USP10: variants seen among roughly 807,000 people sequenced by gnomAD.
USP10 encodes ubiquitin carboxyl-terminal hydrolase 10.
A neutral mutation model predicts 84.5 loss-of-function variants in USP10; 22 were observed. The observed-to-expected ratio is 0.26, with a 90% CI of 0.19 to 0.37. The LOEUF (loss-of-function observed/expected upper bound fraction) is 0.37. Ranked by LOEUF, USP10 falls within the 10% of genes least tolerant of loss-of-function variation. The pLI, the probability that USP10 is intolerant of heterozygous loss-of-function variation, is 1.00. For missense variants in USP10, 1,019 were observed against 998.9 expected, an observed-to-expected ratio of 1.02 and a Z score of -0.27; for synonymous variants, 454 against 387.6, an observed-to-expected ratio of 1.17 and a Z score of -2.01.
intron 1 of USP10, among the ~76,000 whole-genome samples, chr16:84,711,215 C>T (rs1392851415): frequency 6.6e-6 from 1 of 152,144 alleles, no homozygotes; most frequent in East Asian, 1.9e-4. Context: ...TGTGCCAGGG[C>T]CCGTGTTGGG....
At chr16:84,759,178 A>T in intron 5 of USP10, 185 bp from the exon 6 acceptor site, 1 of 625,880 alleles carries the variant, frequency 1.6e-6, no homozygotes, top group Admixed American at 2.7e-5. Flanking sequence ...AGATCCTTAT[A>T]TGGACATCAC....
At chr16:84,708,896 T>C (rs1905899296) in intron 1 of USP10, 1 of 152,160 alleles carries the variant, frequency 6.6e-6, no homozygotes, top group Admixed American at 6.6e-5. Context: ...ACGTTAGGAG[T>C]ATAGAGCTGA....
rs1322074670 is a variant in USP10 at position 84,745,102 on chromosome 16, G to A, written c.621G>A (p.Arg207=). 6 of 1,613,586 alleles carry A rather than the reference G, an allele frequency of 3.7e-6. No individual in the cohort carries two copies. Among genetic ancestry groups the A allele is most frequent in the Non-Finnish European group, 5.1e-6 (6 of 1,179,618 alleles). Reference sequence around the variant, plus strand: ...ACATGCCCCCGTCAGTTACGCCCAGGACTTGTAACAGCCCCCAGAACTCCA... The same window carrying A: ...ACATGCCCCCGTCAGTTACGCCCAGAACTTGTAACAGCCCCCAGAACTCCA... ...MGDMPPSVTP[R]TCNSPQNSTD... Residue 207 remains arginine (R), a synonymous_variant, in exon 4 of 14, where the codon AGG becomes AGA. Transcript: ENST00000219473.
Position 84,760,204 on chromosome 16 carries a change from C to A in USP10, c.1483C>A (p.Pro495Thr), listed in dbSNP as rs977889091. The A allele has an allele frequency of 1.9e-6, 3 of 1,610,422 alleles. No homozygotes were observed. The African/African-American group carries it at 4.0e-5, about 22-fold the overall frequency. ...LGDKIVRDIRPGAAFEPTYIY... is the reference protein window; with the variant it reads ...LGDKIVRDIRTGAAFEPTYIY... ...AGATAAAATCGTGAGGGATATTCGC[C>A]CTGGAGCTGCCTTTGAGCCCACATA... The change falls in exon 8 of 14, where the codon CCT (proline) becomes ACT (threonine). Residue 495 changes from proline (P) to threonine (T), a missense_variant. Coordinates refer to ENST00000219473, the MANE Select transcript of USP10 (RefSeq NM_005153.3).
rs1253007620 is a variant in USP10 at position 84,719,745 on chromosome 16, T to TATCC, written c.22-13688_22-13685dup. Reference sequence around the variant, plus strand: ...TTTTCTAATAAAAGATTTCAGACCATATCCAGGAACTTAAATACATAATTA... The same window carrying TATCC: ...TTTTCTAATAAAAGATTTCAGACCATATCCATCCAGGAACTTAAATACATAATTA... On this transcript the variant is annotated intron_variant, in intron 1 of 13. Coordinates refer to ENST00000219473, the MANE Select transcript of USP10 (RefSeq NM_005153.3). Among the ~76,000 whole-genome samples the TATCC allele has an allele frequency of 2.0e-5, 3 of 152,242 alleles. 1 individual carries two copies. The highest frequency in any genetic ancestry group is 7.2e-5 in the African/African-American group (3 of 41,464).
In USP10 at chr16:84,723,540, G is replaced by A. The variant is rs556402810; in HGVS notation, c.22-9895G>A. Among the ~76,000 whole-genome samples, 7 of 152,250 alleles carry A rather than the reference G, an allele frequency of 4.6e-5. No individual in the cohort carries two copies. In the South Asian group the frequency reaches 1.2e-3, roughly 27 times the overall value. ...AGTCACAATGATTGCTATGTAGTTTGGAGAAATTATTCCTTATCCTTAGAT... is the reference window on the plus strand; with the variant it reads ...AGTCACAATGATTGCTATGTAGTTTAGAGAAATTATTCCTTATCCTTAGAT... On this transcript the variant is annotated intron_variant, in intron 1 of 13. Coordinates refer to ENST00000219473, the MANE Select transcript of USP10 (RefSeq NM_005153.3).
chr16:84,716,645 G>T (rs992377018), intron 1 of USP10: 10 of 152,200 alleles, frequency 6.6e-5, no homozygotes, highest in African/African-American at 2.2e-4. Flanking sequence ...GAGCATGGGG[G>T]AAGAGGGAGC....
intron 9 of USP10, among the ~76,000 whole-genome samples, chr16:84,763,770 G>T (rs924906043): frequency 6.6e-6 from 1 of 151,790 alleles, no homozygotes; most frequent in African/African-American, 2.4e-5. Context: ...ATTGGTTGCC[G>T]TGGATCCAGT....
chr16:84,722,910 G>A (rs1409524942), intron 1 of USP10, among the ~76,000 whole-genome samples: 2 of 152,118 alleles, frequency 1.3e-5, no homozygotes, highest in East Asian at 1.9e-4. Context: ...TTGTCCCTAG[G>A]AACATGAGTT....
intron 1 of USP10, among the ~76,000 whole-genome samples, chr16:84,715,778 TACAG>T (rs1202507181): frequency 6.6e-6 from 1 of 152,224 alleles, no homozygotes; most frequent in East Asian, 1.9e-4. Context: ...GCCGTTTAGT[TACAG>T]TTTTGAGGAC....
chr16:84,743,754 A>G (rs1042391246), intron 3 of USP10, among the ~76,000 whole-genome samples: 2 of 152,258 alleles, frequency 1.3e-5, no homozygotes, highest in African/African-American at 2.4e-5. Context: ...AACTATAAAA[A>G]TACGTCTGTC....
At position 84,706,474 on chromosome 16, in the gene USP10, A is replaced by T. The variant is rs1355171048; in HGVS notation, c.21+6363A>T. Among the ~76,000 whole-genome samples the T allele has an allele frequency of 5.4e-5, 8 of 148,498 alleles. No individual in the cohort carries two copies. The South Asian group carries it at 1.7e-3, about 31-fold the overall frequency. On this transcript the variant is annotated intron_variant, in intron 1 of 13. Transcript: ENST00000219473. ...TTACGTGGCTGCAAAGACTATATAT[A>T]TATTTATATGTATTTATTTGTATAT...
intron 1 of USP10, chr16:84,732,463 T>A (rs1909358597): frequency 2.4e-6 from 1 of 409,400 alleles, no homozygotes; most frequent in Non-Finnish European, 4.8e-6. Flanking sequence ...TTTTTTCTTT[T>A]TGAGATGGAG....
At chr16:84,761,731 C>G (rs1352294394) in intron 8 of USP10, among the ~76,000 whole-genome samples, 1 of 152,282 alleles carries the variant, frequency 6.6e-6, no homozygotes, top group Non-Finnish European at 1.5e-5. Context: ...AAGCACATTG[C>G]TTGCGCAAAC....
In USP10 at chr16:84,745,686, A is replaced by G. The variant is rs1210371816; in HGVS notation, c.1192+13A>G. ...ATAAAGATTGCAGGTATAGTTGAAA[A>G]GATACAAATCTAGAGTGAAGATGGG... On this transcript the variant is annotated intron_variant, in intron 4 of 13. Coordinates refer to ENST00000219473, the MANE Select transcript of USP10 (RefSeq NM_005153.3). The G allele has an allele frequency of 1.9e-6, 3 of 1,596,992 alleles. No individual in the cohort carries two copies. Among genetic ancestry groups the G allele is most frequent in the Non-Finnish European group, 2.6e-6 (3 of 1,171,090 alleles).
chr16:84,721,847 G>A (rs752727673), intron 1 of USP10, among the ~76,000 whole-genome samples: 2 of 152,194 alleles, frequency 1.3e-5, no homozygotes, highest in Non-Finnish European at 2.9e-5. Flanking sequence ...ACAGGCACAC[G>A]CCGCCACACC....
At chr16:84,764,459 G>A (rs970078586) in intron 10 of USP10, among the ~76,000 whole-genome samples, 196 bp downstream of exon 10, 1 of 152,154 alleles carries the variant, frequency 6.6e-6, no homozygotes, top group African/African-American at 2.4e-5. Context: ...CCCTGCTGGC[G>A]CATGTCTGCA....
At chr16:84,761,127 T>C (rs181501535) in intron 8 of USP10, among the ~76,000 whole-genome samples, 73 of 152,198 alleles carry the variant, frequency 4.8e-4, no homozygotes, top group Non-Finnish European at 8.2e-4. Flanking sequence ...GTGTTAGGGA[T>C]GCAGAAATGG....
At chr16:84,777,170 T>G (rs12932847) in intron 13 of USP10, among the ~76,000 whole-genome samples, 98,488 of 152,172 alleles carry the variant, frequency 0.65, 35,271 homozygotes, top group Non-Finnish European at 0.8. Flanking sequence ...CAGGCGGTTC[T>G]CAGCGCTCCT....
Sources: gnomAD v4.1 joint callset for allele counts (sites outside exome capture counted in the v4.1 genomes callset) on GRCh38, gnomAD v4.1.1 for gene constraint, MANE v1.5 for transcripts, NCBI Gene and HGNC (gene_info 2026-07-23, HGNC 2026-07-21) for gene names.